The following SDK1 variants were observed in gnomAD, a reference collection of about 807,000 sequenced individuals.
SDK1 encodes the protein protein sidekick-1.
Under a neutral mutation model 245.5 loss-of-function variants are expected in SDK1, and 157 were observed. That is an observed-to-expected ratio of 0.64 (90% CI 0.56 to 0.73). The LOEUF (loss-of-function observed/expected upper bound fraction) is 0.73. Among genes scored for constraint, SDK1 ranks in the 30% least tolerant of loss-of-function variants. The probability of loss-of-function intolerance (pLI) is 0.00; values close to 1 mark genes in which losing one functional copy is unlikely to be tolerated. For synonymous variants in SDK1, 1,647 were observed against 1,278.5 expected (o/e 1.29, Z -6.15); for missense variants, 3,583 against 3,002.3 (o/e 1.19, Z -4.52).
intron 4 of SDK1, among the ~76,000 whole-genome samples, chr7:3,820,596 T>C (rs2115059152): frequency 6.6e-6 from 1 of 152,360 alleles, no homozygotes; most frequent in Non-Finnish European, 1.5e-5. Flanking sequence ...TTGTTTTTAT[T>C]CTTTTTTAAA....
intron 4 of SDK1, among the ~76,000 whole-genome samples, chr7:3,655,996 G>C (rs958886695): frequency 2.6e-5 from 4 of 152,160 alleles, no homozygotes; most frequent in Non-Finnish European, 5.9e-5. Flanking sequence ...TGTCTAAACC[G>C]TGAAGTACGC....
intron 17 of SDK1, among the ~76,000 whole-genome samples, chr7:4,023,998 A>G: frequency 6.6e-6 from 1 of 152,358 alleles, no homozygotes; most frequent in South Asian, 2.1e-4. Flanking sequence ...TTTTTCTAGA[A>G]GGGGTCCAGA....
intron 4 of SDK1, among the ~76,000 whole-genome samples, chr7:3,773,358 T>C (rs1378669856): frequency 6.6e-6 from 1 of 152,192 alleles, no homozygotes; most frequent in Non-Finnish European, 1.5e-5. Context: ...CTTCAGTTTT[T>C]TTTTCTGCTC....
At chr7:3,974,579 G>A (rs746196634) in intron 13 of SDK1, 34 bp downstream of exon 13, 103 of 1,598,800 alleles carry the variant, frequency 6.4e-5, no homozygotes, top group Middle Eastern at 1.7e-4. Context: ...TAGCCAGTCC[G>A]CGGTTTTCTC....
intron 1 of SDK1, among the ~76,000 whole-genome samples, chr7:3,357,732 C>A (rs957685313): frequency 6.6e-6 from 1 of 152,050 alleles, no homozygotes; most frequent in African/African-American, 2.4e-5. Flanking sequence ...TTCTCTTTTT[C>A]CCCATGACTT....
At chr7:3,987,791 A>G (rs1472240385) in intron 14 of SDK1, among the ~76,000 whole-genome samples, 1 of 151,564 alleles carries the variant, frequency 6.6e-6, no homozygotes, top group African/African-American at 2.4e-5. Flanking sequence ...CATCCTTGGA[A>G]CTCTTCTACA....
intron 4 of SDK1, among the ~76,000 whole-genome samples, chr7:3,700,123 G>T (rs951448659): frequency 6.6e-6 from 1 of 152,130 alleles, no homozygotes; most frequent in African/African-American, 2.4e-5. Context: ...CAGGAATGAA[G>T]GGGAAATTCA....
intron 17 of SDK1, among the ~76,000 whole-genome samples, chr7:4,022,263 G>A (rs564869834): frequency 6.6e-5 from 10 of 152,346 alleles, no homozygotes; most frequent in African/African-American, 2.4e-4. Flanking sequence ...CAGAAGGCAG[G>A]AAATGCCCAG....
At chr7:3,463,896 C>G (rs752039081) in intron 1 of SDK1, among the ~76,000 whole-genome samples, 2 of 152,158 alleles carry the variant, frequency 1.3e-5, no homozygotes, top group African/African-American at 2.4e-5. Flanking sequence ...CATAAGGGCC[C>G]CAAAGTTCTT....
At position 3,400,013 on chromosome 7, in the gene SDK1, G is replaced by C. The variant is rs538497578; in HGVS notation, c.298+98129G>C. Among the ~76,000 whole-genome samples, 15 of 152,204 alleles carry C rather than the reference G, an allele frequency of 9.9e-5. No homozygotes were observed. The East Asian group carries it at 2.7e-3, about 27-fold the overall frequency. ...TGAGCTCTGCATGACATCAAGTAAT[G>C]ATAATGCCTTGTGAATGGGGCTTCC... On this transcript the variant is annotated intron_variant, in intron 1 of 44. Transcript: ENST00000404826.
intron 5 of SDK1, among the ~76,000 whole-genome samples, chr7:3,845,261 G>A (rs908313193): frequency 1.3e-5 from 2 of 152,096 alleles, no homozygotes; most frequent in African/African-American, 4.8e-5. Flanking sequence ...AGAAGCCCAG[G>A]TGGGTGGATC....
At chr7:3,816,651 G>A (rs79422152) in intron 4 of SDK1, among the ~76,000 whole-genome samples, 3 of 152,036 alleles carry the variant, frequency 2.0e-5, no homozygotes, top group African/African-American at 7.2e-5. Context: ...ATTCACAGCC[G>A]AATTCTACCA....
intron 1 of SDK1, among the ~76,000 whole-genome samples, chr7:3,475,126 T>G (rs886194650): frequency 6.6e-6 from 1 of 152,234 alleles, no homozygotes; most frequent in Non-Finnish European, 1.5e-5. Flanking sequence ...GCTCTTTGAT[T>G]CCTTCCCCTT....
rs1411046373 is a variant in SDK1 at position 4,178,658 on chromosome 7, G to A, written c.5098+72G>A. On this transcript the variant is annotated intron_variant, in intron 35 of 44. Coordinates refer to ENST00000404826, the MANE Select transcript of SDK1 (RefSeq NM_152744.4). ...GGTGGGGACAGCCAGGCACGCTGCG[G>A]CCAAGCCCCTCAGGTGTCCAGCAGC... 3.8e-5 allele frequency: 41 copies of A among 1,088,798 alleles called. No individual in the cohort carries two copies. In the Admixed American group the frequency reaches 6.7e-4, roughly 18 times the overall value. 67.4% of individuals were successfully genotyped at this position (1,088,798 alleles called of 1,614,324 possible).
At chr7:3,783,062 C>T (rs889089506) in intron 4 of SDK1, among the ~76,000 whole-genome samples, 1 of 152,124 alleles carries the variant, frequency 6.6e-6, no homozygotes, top group East Asian at 1.9e-4. Context: ...AAGGATGGTT[C>T]ACCATACACA....
At chr7:3,773,818 G>A (rs1583399510) in intron 4 of SDK1, among the ~76,000 whole-genome samples, 1 of 152,268 alleles carries the variant, frequency 6.6e-6, no homozygotes, top group Non-Finnish European at 1.5e-5. Flanking sequence ...GCATGCACAG[G>A]CACTTCCTAA....
At chr7:3,870,832 A>G (rs1257061921) in intron 5 of SDK1, among the ~76,000 whole-genome samples, 1 of 152,178 alleles carries the variant, frequency 6.6e-6, no homozygotes, top group African/African-American at 2.4e-5. Context: ...ATCATGTTGC[A>G]TTTAGTTGTT....
intron 35 of SDK1, among the ~76,000 whole-genome samples, chr7:4,203,533 TA>T (rs10541704): frequency 0.068 from 10,118 of 148,608 alleles, 385 homozygotes; most frequent in South Asian, 0.11. Context: ...ATTTTTTTTT[TA>T]AAAAAAAAAA....
rs958116178 is a variant in SDK1, at chr7:3,301,788, T to TGCGGCGG, written c.215_221dup (p.Lys75GlyfsTer29). 6.9e-6 allele frequency: 7 copies of TGCGGCGG among 1,010,650 alleles called. No homozygotes were observed. Among genetic ancestry groups the TGCGGCGG allele is most frequent in the Non-Finnish European group, 8.2e-6 (7 of 849,082 alleles). 62.6% of individuals were successfully genotyped at this position (1,010,650 alleles called of 1,614,324 possible). A position where few individuals can be genotyped will look rare whatever the true frequency, so the allele number is the denominator to read the frequency against. On this transcript the variant is annotated frameshift_variant, in exon 1 of 45. Transcript: ENST00000404826. LOFTEE classifies it high-confidence loss of function. ...CGGGGACACGGCGGGCGCGGGGCGG[T>TGCGGCGG]GCGGCGGGCGGCGGGCGGCAAAGTT...
Sources: gnomAD v4.1 joint callset for allele counts (sites outside exome capture counted in the v4.1 genomes callset) on GRCh38, gnomAD v4.1.1 for gene constraint, MANE v1.5 for transcripts, NCBI Gene and HGNC (gene_info 2026-07-23, HGNC 2026-07-21) for gene names.